Variants in MBD5 observed in about 807,000 individuals in gnomAD.
MBD5 encodes the protein methyl-CpG-binding domain protein 5.
In MBD5, 13 loss-of-function variants were observed where a neutral mutation model predicts 117.3. The observed-to-expected ratio is 0.11, with a 90% CI of 0.07 to 0.18. The LOEUF (loss-of-function observed/expected upper bound fraction) is 0.18. MBD5 is among the 10% of genes least tolerant of loss of function. The probability of loss-of-function intolerance (pLI) is 1.00; values close to 1 mark genes in which losing one functional copy is unlikely to be tolerated. For synonymous variants in MBD5, 727 were observed against 766.4 expected (o/e 0.95, Z 0.85); for missense variants, 1,879 against 2,093.8 (o/e 0.90, Z 2.00).
intron 1 of MBD5, among the ~76,000 whole-genome samples, chr2:148,037,650 T>C (rs149966454): frequency 4.7e-4 from 72 of 152,062 alleles, no homozygotes; most frequent in African/African-American, 1.7e-3. Context: ...AAAAACAGAA[T>C]GTGCAGTGTA....
rs1291528453 is a variant in MBD5, at chr2:148,153,728, G to A, written c.-924-24972G>A. Among the ~76,000 whole-genome samples, 628 of 145,604 alleles carry A rather than the reference G, an allele frequency of 4.3e-3. 8 individuals are homozygous for A. Among genetic ancestry groups the A allele is most frequent in the Admixed American group, 0.03 (420 of 14,188 alleles). On this transcript the variant is annotated intron_variant, in intron 1 of 13. Transcript: ENST00000642680. ...CTGATACCCTTTCTTCCAGTTGATC[G>A]CATCAGCTCCTGAGGCTTCTGCATT...
chr2:148,170,256 G>C (rs181770690), intron 1 of MBD5, among the ~76,000 whole-genome samples: 4 of 152,270 alleles, frequency 2.6e-5, no homozygotes, highest in Admixed American at 2.0e-4. Flanking sequence ...CATTTTAAAA[G>C]TAATTTAAGG....
chr2:148,098,306 G>A (rs1294480527), intron 1 of MBD5, among the ~76,000 whole-genome samples: 1 of 152,162 alleles, frequency 6.6e-6, no homozygotes, highest in Non-Finnish European at 1.5e-5. Flanking sequence ...CTTTTGGATT[G>A]GCAGTAGCGG....
intron 1 of MBD5, among the ~76,000 whole-genome samples, chr2:148,161,506 A>G (rs1389256390): frequency 1.3e-5 from 2 of 152,220 alleles, no homozygotes; most frequent in African/African-American, 4.8e-5. Context: ...ACACAGAGAA[A>G]GTATTTGTGG....
At chr2:148,314,708 C>T (rs967300826) in intron 3 of MBD5, among the ~76,000 whole-genome samples, 4 of 152,118 alleles carry the variant, frequency 2.6e-5, no homozygotes, top group African/African-American at 9.7e-5. Context: ...GCTGGGATTA[C>T]AGACGTCTGC....
chr2:148,502,907 A>C, intron 12 of MBD5: 1 of 221,846 alleles, frequency 4.5e-6, no homozygotes, highest in Non-Finnish European at 9.0e-6. Flanking sequence ...CATGTAAATA[A>C]TTTTGGCAGA....
chr2:148,240,062 T>C (rs1318113867), intron 3 of MBD5, among the ~76,000 whole-genome samples: 2 of 152,160 alleles, frequency 1.3e-5, no homozygotes, highest in African/African-American at 4.8e-5. Flanking sequence ...GTGGCACATA[T>C]ACACCATGGA....
chr2:148,091,057 T>A (rs191866432), intron 1 of MBD5, among the ~76,000 whole-genome samples: 8 of 152,152 alleles, frequency 5.3e-5, no homozygotes, highest in Non-Finnish European at 1.0e-4. Context: ...CAACTTCTTT[T>A]ACAACATCTG....
chr2:148,198,806 A>AT (rs1699060399), intron 2 of MBD5, among the ~76,000 whole-genome samples: 1 of 152,078 alleles, frequency 6.6e-6, no homozygotes, highest in South Asian at 2.1e-4. Context: ...TATGAGCTAT[A>AT]TTAAACACAG....
In MBD5 at chr2:148,218,359, A is replaced by G. The variant is rs562279138; in HGVS notation, c.-830-14886A>G. Among the ~76,000 whole-genome samples, 21 of 152,274 alleles carry G rather than the reference A, an allele frequency of 1.4e-4. No individual in the cohort carries two copies. The East Asian group carries it at 4.1e-3, about 29-fold the overall frequency. On this transcript the variant is annotated intron_variant, in intron 2 of 13. Transcript: ENST00000642680. ...AGCAGGATTGCAAGGGAACAGACTA[A>G]TCTGCATAAGCATATTTCAAAGTTC...
chr2:148,249,992 G>A (rs1558990855), intron 3 of MBD5, among the ~76,000 whole-genome samples: 1 of 151,738 alleles, frequency 6.6e-6, no homozygotes, highest in East Asian at 1.9e-4. Flanking sequence ...CTTTTTTTCC[G>A]CTACTTTCTT....
intron 3 of MBD5, among the ~76,000 whole-genome samples, chr2:148,237,316 T>C (rs1700111398): frequency 6.6e-6 from 1 of 152,246 alleles, no homozygotes; most frequent in South Asian, 2.1e-4. Context: ...TGTCTTGGCT[T>C]TTGACATGTC....
intron 4 of MBD5, among the ~76,000 whole-genome samples, chr2:148,384,820 C>T (rs12619697): frequency 1 from 150,731 of 151,466 alleles, 75,005 homozygotes; most frequent in Non-Finnish European, 1. Context: ...TATCTACAAC[C>T]ATCTGATCTT....
intron 1 of MBD5, among the ~76,000 whole-genome samples, chr2:148,095,029 A>G (rs2105257878): frequency 6.6e-6 from 1 of 152,276 alleles, no homozygotes; most frequent in Middle Eastern, 3.4e-3. Context: ...ATTGGAAGCT[A>G]GCAGGGTATA....
chr2:148,066,644 A>T (rs1263701798), intron 1 of MBD5, among the ~76,000 whole-genome samples: 1 of 151,842 alleles, frequency 6.6e-6, no homozygotes, highest in Admixed American at 6.6e-5. Flanking sequence ...TGCCCGGCTA[A>T]TTTTTTGTAT....
chr2:148,512,036 T>C (rs1157885830), intron 13 of MBD5, among the ~76,000 whole-genome samples: 1 of 152,208 alleles, frequency 6.6e-6, no homozygotes, highest in Non-Finnish European at 1.5e-5. Context: ...AATGCTAAAA[T>C]GGACTTGTGT....
At chr2:148,093,569 G>T (rs1695993776) in intron 1 of MBD5, among the ~76,000 whole-genome samples, 1 of 152,154 alleles carries the variant, frequency 6.6e-6, no homozygotes, top group Admixed American at 6.5e-5. Flanking sequence ...ATAGAAGAGA[G>T]TTCAAAGCTG....
chr2:148,501,382 A>C, intron 11 of MBD5, among the ~76,000 whole-genome samples: 1 of 152,072 alleles, frequency 6.6e-6, no homozygotes, highest in East Asian at 1.9e-4. Flanking sequence ...ATTGGAGGGG[A>C]GTAGCAGGGG....
At chr2:148,076,815 T>C (rs913473191) in intron 1 of MBD5, among the ~76,000 whole-genome samples, 3 of 152,210 alleles carry the variant, frequency 2.0e-5, no homozygotes, top group Non-Finnish European at 4.4e-5. Context: ...GTGGGAACAT[T>C]GAAGTGAATA....
Sources: gnomAD v4.1 joint callset for allele counts (sites outside exome capture counted in the v4.1 genomes callset) on GRCh38, gnomAD v4.1.1 for gene constraint, MANE v1.5 for transcripts, NCBI Gene and HGNC (gene_info 2026-07-23, HGNC 2026-07-21) for gene names.